Variants in GRIK2 observed in about 807,000 individuals in gnomAD.
GRIK2 encodes glutamate receptor ionotropic, kainate 2.
GRIK2 carries 32 observed loss-of-function variants against 100.3 expected under a neutral mutation model. That is an observed-to-expected ratio of 0.32 (90% CI 0.24 to 0.43). The LOEUF (loss-of-function observed/expected upper bound fraction) is 0.43, where lower values mean the gene tolerates loss of function less well. Ranked by LOEUF, GRIK2 falls within the 20% of genes least tolerant of loss-of-function variation. GRIK2 has a pLI of 1.00. For missense variants in GRIK2, 843 were observed against 1,114.9 expected (o/e 0.76, Z 3.47); for synonymous variants, 417 against 389.4 (o/e 1.07, Z -0.83).
At chr6:101,778,529 C>T (rs1164659838) in intron 7 of GRIK2, among the ~76,000 whole-genome samples, 2 of 152,106 alleles carry the variant, frequency 1.3e-5, no homozygotes, top group Admixed American at 1.3e-4. Context: ...GTGCTTGGTA[C>T]AACAGACAGA....
At chr6:101,538,595 A>C (rs1251431207) in intron 2 of GRIK2, among the ~76,000 whole-genome samples, 1 of 149,020 alleles carries the variant, frequency 6.7e-6, no homozygotes, top group Non-Finnish European at 1.5e-5. Context: ...ATATTGACAC[A>C]CAAATGCCCT....
intron 2 of GRIK2, among the ~76,000 whole-genome samples, chr6:101,559,310 T>C (rs1776889682): frequency 6.6e-6 from 1 of 152,132 alleles, no homozygotes; most frequent in Admixed American, 6.5e-5. Context: ...TATTCAGTTA[T>C]CTACAGAATA....
At chr6:101,684,497 A>T (rs1771527917) in intron 6 of GRIK2, among the ~76,000 whole-genome samples, 7 of 152,102 alleles carry the variant, frequency 4.6e-5, no homozygotes, top group Admixed American at 4.6e-4. Flanking sequence ...CTCCACTCAC[A>T]CTTTGAATTC....
chr6:101,804,047 A>G (rs1183200397), intron 9 of GRIK2, among the ~76,000 whole-genome samples: 2 of 152,098 alleles, frequency 1.3e-5, no homozygotes, highest in East Asian at 3.9e-4. Context: ...AAGATAATAC[A>G]TATTTGTAAA....
intron 15 of GRIK2, among the ~76,000 whole-genome samples, chr6:102,044,528 A>C (rs1770774876): frequency 6.6e-6 from 1 of 151,978 alleles, no homozygotes; most frequent in South Asian, 2.1e-4. Context: ...AATGAGAAAA[A>C]TGCAAAAGCA....
chr6:101,783,265 G>A (rs1779212869), intron 7 of GRIK2, among the ~76,000 whole-genome samples: 1 of 151,948 alleles, frequency 6.6e-6, no homozygotes, highest in Admixed American at 6.6e-5. Context: ...TGATAGTGAG[G>A]GAGTTCTCAT....
intron 2 of GRIK2, among the ~76,000 whole-genome samples, chr6:101,584,446 T>C (rs1778254756): frequency 6.6e-6 from 1 of 151,990 alleles, no homozygotes; most frequent in African/African-American, 2.4e-5. Context: ...ATAATAAGAC[T>C]AAAAAAGTCT....
At chr6:101,440,885 T>A (rs1770006220) in intron 2 of GRIK2, among the ~76,000 whole-genome samples, 2 of 126,972 alleles carry the variant, frequency 1.6e-5, no homozygotes, top group African/African-American at 6.0e-5. Flanking sequence ...AAGAAATGCT[T>A]TTTTGTTTTT....
At chr6:101,509,875 T>G (rs755391010) in intron 2 of GRIK2, among the ~76,000 whole-genome samples, 4 of 152,172 alleles carry the variant, frequency 2.6e-5, no homozygotes, top group Non-Finnish European at 5.9e-5. Context: ...CAGAACACAT[T>G]TCAGTCTCTT....
intron 7 of GRIK2, among the ~76,000 whole-genome samples, chr6:101,729,886 C>A (rs1375261799): frequency 2.6e-5 from 4 of 151,806 alleles, no homozygotes; most frequent in Non-Finnish European, 5.9e-5. Context: ...TAAAAATAGT[C>A]AAAAACCACA....
chr6:101,921,097 G>A (rs972268456), intron 12 of GRIK2, among the ~76,000 whole-genome samples: 5 of 151,958 alleles, frequency 3.3e-5, no homozygotes, highest in South Asian at 2.1e-4. Flanking sequence ...GAAGTTTACC[G>A]ACATAATTTG....
At chr6:102,061,164 A>C (rs1438297709) in intron 16 of GRIK2, among the ~76,000 whole-genome samples, 1 of 150,624 alleles carries the variant, frequency 6.6e-6, no homozygotes, top group Non-Finnish European at 1.5e-5. Context: ...AAGGATTTTT[A>C]GGTCATTTGT....
At chr6:101,394,352 G>A (rs1774919030) in intron 1 of GRIK2, among the ~76,000 whole-genome samples, 1 of 152,146 alleles carries the variant, frequency 6.6e-6, no homozygotes, top group Admixed American at 6.5e-5. Context: ...GTCCCATTAG[G>A]GTAAGGAGTG....
intron 2 of GRIK2, among the ~76,000 whole-genome samples, chr6:101,498,859 G>A (rs894780286): frequency 2.6e-5 from 4 of 152,134 alleles, no homozygotes; most frequent in Non-Finnish European, 5.9e-5. Flanking sequence ...CTGTGCAGAA[G>A]CTCTTTAGTT....
At chr6:101,976,444 C>T (rs1793385655) in intron 14 of GRIK2, among the ~76,000 whole-genome samples, 5 of 151,886 alleles carry the variant, frequency 3.3e-5, no homozygotes, top group Admixed American at 3.3e-4. Flanking sequence ...TGCCTGTAAA[C>T]CCAGCACTTT....
intron 7 of GRIK2, among the ~76,000 whole-genome samples, chr6:101,695,925 G>T (rs1772454393): frequency 6.6e-6 from 1 of 152,006 alleles, no homozygotes; most frequent in South Asian, 2.1e-4. Flanking sequence ...ACACAGAATT[G>T]TTGTATGGGT....
chr6:101,860,885 T>C, intron 11 of GRIK2: 1 of 776,148 alleles, frequency 1.3e-6, no homozygotes, highest in Non-Finnish European at 1.6e-6. Flanking sequence ...TTTTTATTTC[T>C]CAGATATTAG....
intron 2 of GRIK2, among the ~76,000 whole-genome samples, chr6:101,460,918 C>A (rs568626353): frequency 6.6e-6 from 1 of 152,074 alleles, no homozygotes; most frequent in South Asian, 2.1e-4. Context: ...TGTAGGTGGT[C>A]ATTTTGTGAT....
At chr6:101,490,467 CCA>C (rs1773047556) in intron 2 of GRIK2, among the ~76,000 whole-genome samples, 1 of 146,186 alleles carries the variant, frequency 6.8e-6, no homozygotes, top group African/African-American at 2.6e-5. Context: ...GCATGAATTG[CCA>C]CAGGTGTTCA....
Sources: allele counts gnomAD v4.1 joint callset (sites outside exome capture counted in the v4.1 genomes callset), GRCh38; gene constraint gnomAD v4.1.1; transcripts MANE v1.5; gene names NCBI Gene and HGNC (gene_info 2026-07-23, HGNC 2026-07-21).